Variants in ABCC2 observed in about 807,000 individuals in gnomAD.
The protein encoded by ABCC2 is ATP-binding cassette sub-family C member 2.
Under a neutral mutation model 173.4 loss-of-function variants are expected in ABCC2, and 157 were observed. The observed-to-expected ratio is 0.91, with a 90% CI of 0.80 to 1.03. The LOEUF is 1.03. Among genes scored for constraint, ABCC2 ranks in the 50% least tolerant of loss-of-function variants. The pLI is 0.00. For synonymous variants in ABCC2, 657 were observed against 693.5 expected, an observed-to-expected ratio of 0.95 and a Z score of 0.83; for missense variants, 1,822 against 1,852.3, an observed-to-expected ratio of 0.98 and a Z score of 0.30.
intron 25 of ABCC2, 91 bp from the exon 26 acceptor site, chr10:99,841,876 C>A: frequency 6.3e-7 from 1 of 1,590,788 alleles, no homozygotes; most frequent in Non-Finnish European, 8.6e-7. Flanking sequence ...TCAAGTCAAA[C>A]CCTCTGAGAA....
In ABCC2 at chr10:99,788,202, T is replaced by C. The variant is rs532495400; in HGVS notation, c.207+3421T>C. On this transcript the variant is annotated intron_variant, in intron 2 of 31. Coordinates refer to ENST00000647814, the MANE Select transcript of ABCC2 (RefSeq NM_000392.5). ...GCCTGTGCTTTTACAAACAGCTACG[T>C]ACATATATTTTTTCACACAAATGCT... Among the ~76,000 whole-genome samples the C allele has an allele frequency of 5.3e-5, 8 of 152,326 alleles. No homozygotes were observed. The South Asian group carries it at 1.7e-3, about 32-fold the overall frequency.
At chr10:99,809,912 G>C (rs1467572175) in intron 13 of ABCC2, among the ~76,000 whole-genome samples, 1 of 152,238 alleles carries the variant, frequency 6.6e-6, no homozygotes, top group African/African-American at 2.4e-5. Flanking sequence ...ACTGGAGAGA[G>C]ACAGCAGAAG....
chr10:99,851,536 T>C lies in ABCC2; in HGVS notation c.4543T>C (p.Cys1515Arg). Reference sequence around the variant, plus strand: ...CCTAGACAACGGGAAGATTATAGAGTGCGGCAGCCCTGAAGAACTGCTACA... The same window carrying C: ...CCTAGACAACGGGAAGATTATAGAGCGCGGCAGCCCTGAAGAACTGCTACA... ...MVLDNGKIIECGSPEELLQIP... is the reference protein window; with the variant it reads ...MVLDNGKIIERGSPEELLQIP... Residue 1515 changes from cysteine (C) to arginine (R), a missense_variant, in exon 32 of 32, where the codon TGC (cysteine) becomes CGC (arginine). By Grantham distance (180) the Cys-to-Arg change is radical. Transcript: ENST00000647814. 3 of 1,614,104 alleles carry C rather than the reference T, an allele frequency of 1.9e-6. No homozygotes were observed. Among genetic ancestry groups the C allele is most frequent in the Non-Finnish European group, 2.5e-6 (3 of 1,180,006 alleles).
chr10:99,800,271 TG>T, intron 8 of ABCC2, 114 bp from the exon 9 acceptor site: 1 of 1,103,630 alleles, frequency 9.1e-7, no homozygotes, highest in Non-Finnish European at 1.4e-6. Flanking sequence ...TGGACAATTC[TG>T]GTCACTTTTG....
rs753645349 is a variant in ABCC2 at position 99,831,737 on chromosome 10, AC to A, written c.3012del (p.Ser1005ValfsTer18). The A allele has an allele frequency of 1.2e-6, 2 of 1,614,184 alleles. No individual in the cohort carries two copies. The highest frequency in any genetic ancestry group is 2.2e-5 in the South Asian group (2 of 91,074). ...ATCCAACCTCTGGCTCAGTGCTTGG[AC>A]CAGTGACTCTAAAATCTTCAATAGC... ...IGSNLWLSAW[T>X]SDSKIFNSTD... On this transcript the variant is annotated frameshift_variant, in exon 22 of 32. Coordinates refer to ENST00000647814, the MANE Select transcript of ABCC2 (RefSeq NM_000392.5). LOFTEE classifies it high-confidence loss of function.
rs1431355549 is a variant in ABCC2, at chr10:99,839,129, G to A, written c.3615-2838G>A. 2.3e-5 allele frequency among the ~76,000 whole-genome samples: 3 copies of A among 132,030 alleles called. No individual in the cohort carries two copies. In the East Asian group the frequency reaches 7.8e-4, roughly 34 times the overall value. The allele number at this position is 132,030 out of a possible 152,430, so 86.6% of individuals were successfully genotyped here. ...TCCCTCCCGGACGGGGCGGCTGGCC[G>A]GGCGGGGGGCCGACCCCCCCACCTC... On this transcript the variant is annotated intron_variant, in intron 25 of 31. Transcript: ENST00000647814.
intron 15 of ABCC2, among the ~76,000 whole-genome samples, chr10:99,812,691 C>A (rs1042690546): frequency 6.6e-6 from 1 of 152,130 alleles, no homozygotes; most frequent in Admixed American, 6.5e-5. Flanking sequence ...GTCTCCAGGC[C>A]CCCACTAGGG....
intron 13 of ABCC2, among the ~76,000 whole-genome samples, chr10:99,809,822 G>A (rs2038178364): frequency 6.6e-6 from 1 of 152,198 alleles, no homozygotes; most frequent in Admixed American, 6.5e-5. Flanking sequence ...AGAAAGCCAG[G>A]GGCCTAGTTA....
chr10:99,807,567 C>T, intron 12 of ABCC2, 46 bp downstream of exon 12: 1 of 1,613,024 alleles, frequency 6.2e-7, no homozygotes, highest in South Asian at 1.1e-5. Flanking sequence ...CCTGGACCTG[C>T]ATCAGCTTCC....
At chr10:99,811,505 A>AT (rs745678269) in intron 14 of ABCC2, 31 bp from the exon 15 acceptor site, 23 of 1,612,712 alleles carry the variant, frequency 1.4e-5, no homozygotes, top group Non-Finnish European at 1.8e-5. Flanking sequence ...GGGGACCTAC[A>AT]TTGGACTAAA....
chr10:99,810,098 A>G, intron 13 of ABCC2, 36 bp from the exon 14 acceptor site: 1 of 1,584,116 alleles, frequency 6.3e-7, no homozygotes, highest in Non-Finnish European at 8.7e-7. Context: ...CTCGTTACTG[A>G]CTTTAATTCT....
Position 99,794,402 on chromosome 10 carries a change from G to T in ABCC2, c.577-11G>T, listed in dbSNP as rs200883270. The T allele has an allele frequency of 9.5e-5, 153 of 1,612,946 alleles. No homozygotes were observed. The highest frequency in any genetic ancestry group is 2.8e-5 in the Non-Finnish European group (33 of 1,179,254). On this transcript the variant is annotated splice_polypyrimidine_tract_variant and intron_variant, in intron 5 of 31. Coordinates refer to ENST00000647814, the MANE Select transcript of ABCC2 (RefSeq NM_000392.5). Reference sequence around the variant, plus strand: ...AATTGGTTTACATTTCGATTTTTTTGTGTCTTTCAGAATCCATCATCCATA... The same window carrying T: ...AATTGGTTTACATTTCGATTTTTTTTTGTCTTTCAGAATCCATCATCCATA...
chr10:99,788,859 C>G (rs2145852), intron 2 of ABCC2: 1 of 152,520 alleles, frequency 6.6e-6, no homozygotes, highest in South Asian at 2.1e-4. Flanking sequence ...ATGTGTTCCC[C>G]AGGCATTCCT....
chr10:99,787,890 G>C (rs7906080), intron 2 of ABCC2, among the ~76,000 whole-genome samples: 8 of 151,794 alleles, frequency 5.3e-5, no homozygotes, highest in African/African-American at 1.7e-4. Context: ...TGGTGAGACC[G>C]ATCTCTACAA....
At chr10:99,827,448 G>T (rs1362280266) in intron 19 of ABCC2, among the ~76,000 whole-genome samples, 1 of 152,160 alleles carries the variant, frequency 6.6e-6, no homozygotes, top group Non-Finnish European at 1.5e-5. Flanking sequence ...TTCTTTCTGG[G>T]ATTTTTTCCT....
intron 9 of ABCC2, among the ~76,000 whole-genome samples, chr10:99,803,287 T>C (rs1255419548): frequency 6.6e-6 from 1 of 152,242 alleles, no homozygotes; most frequent in Admixed American, 6.5e-5. Flanking sequence ...TGATTTTACT[T>C]CAAAGTTTGA....
intron 16 of ABCC2, among the ~76,000 whole-genome samples, chr10:99,814,206 CACACAT>C (rs2038287941): frequency 1.4e-5 from 1 of 72,328 alleles, no homozygotes; most frequent in African/African-American, 5.5e-5. Flanking sequence ...TGTATATATA[CACACAT>C]GTGTATATAT....
In ABCC2 at chr10:99,844,455, G is replaced by A. The variant is rs1388985149; in HGVS notation, c.3977G>A (p.Ser1326Asn). The change falls in exon 28 of 32, where the codon AGC becomes AAC. Residue 1326 changes from serine to asparagine, a missense_variant. By Grantham distance (46) the Ser-to-Asn change is conservative (BLOSUM62 1). Transcript: ENST00000647814. ...AGAGGGATCACTTGTGACATCGGTA[G>A]CATGGAGAAGGTAGGTGGAGTGAAG... ...VLRGITCDIG[S>N]MEKIGVVGRT... The A allele has an allele frequency of 6.2e-7, 1 of 1,613,694 alleles. No individual in the cohort carries two copies. The highest frequency in any genetic ancestry group is 1.1e-5 in the South Asian group (1 of 91,086).
chr10:99,819,118 C>CT lies in ABCC2; in HGVS notation c.2472dup (p.Leu825SerfsTer6). 6.2e-7 allele frequency: 1 copy of CT among 1,614,152 alleles called. No homozygotes were observed. ...GACTCTTGGTTACACATAGCATGCACTTTCTTCCTCAAGTGGATGAGATTG... is the reference window on the plus strand; with the variant it reads ...GACTCTTGGTTACACATAGCATGCACTTTTCTTCCTCAAGTGGATGAGATTG... On this transcript the variant is annotated frameshift_variant, in exon 19 of 32. Coordinates refer to ENST00000647814, the MANE Select transcript of ABCC2 (RefSeq NM_000392.5). LOFTEE classifies it high-confidence loss of function.
Sources: gnomAD v4.1 joint callset for allele counts (sites outside exome capture counted in the v4.1 genomes callset) on GRCh38, gnomAD v4.1.1 for gene constraint, MANE v1.5 for transcripts, NCBI Gene and HGNC (gene_info 2026-07-23, HGNC 2026-07-21) for gene names.